MGAT4C: variants seen among roughly 807,000 people sequenced by gnomAD.
MGAT4C encodes MGAT4 family member C, also known as alpha-1,3-mannosyl-glycoprotein 4-beta-N-acetylglucosaminyltransferase C.
Under a neutral mutation model 40.1 loss-of-function variants are expected in MGAT4C, and 19 were observed. The observed-to-expected ratio is 0.47, with a 90% confidence interval of 0.33 to 0.70. MGAT4C has a LOEUF of 0.70. MGAT4C is among the 30% of genes least tolerant of loss of function. MGAT4C has a pLI of 0.02. For synonymous variants in MGAT4C, 181 were observed against 187.1 expected (o/e 0.97, Z 0.27); for missense variants, 491 against 563.2 (o/e 0.87, Z 1.30).
intron 2 of MGAT4C, among the ~76,000 whole-genome samples, chr12:86,660,828 T>C (rs1183367366): frequency 1.3e-5 from 2 of 152,182 alleles, no homozygotes; most frequent in Non-Finnish European, 2.9e-5. Flanking sequence ...TTTTCTGATT[T>C]ATAGCAAACC....
At chr12:86,753,010 C>T (rs569990583) in intron 1 of MGAT4C, among the ~76,000 whole-genome samples, 2 of 152,016 alleles carry the variant, frequency 1.3e-5, no homozygotes, top group South Asian at 2.1e-4. Flanking sequence ...TTCAGAAATA[C>T]GTTACCAAAA....
At chr12:86,232,607 A>G (rs1951369398) in intron 1 of MGAT4C, among the ~76,000 whole-genome samples, 1 of 152,208 alleles carries the variant, frequency 6.6e-6, no homozygotes, top group Admixed American at 6.5e-5. Flanking sequence ...TGAATGAAAT[A>G]AAACATGAAC....
At chr12:86,381,322 A>G (rs990801443) in intron 3 of MGAT4C, among the ~76,000 whole-genome samples, 1 of 152,190 alleles carries the variant, frequency 6.6e-6, no homozygotes, top group Non-Finnish European at 1.5e-5. Flanking sequence ...ATCTTCATTT[A>G]TTGTGAAAGT....
chr12:86,021,319 C>T (rs954114893), intron 2 of MGAT4C, among the ~76,000 whole-genome samples: 1 of 151,968 alleles, frequency 6.6e-6, no homozygotes, highest in African/African-American at 2.4e-5. Context: ...TTCACAATAG[C>T]AAAGACTTGG....
At chr12:86,790,769 T>C (rs1341918095) in intron 1 of MGAT4C, among the ~76,000 whole-genome samples, 1 of 152,088 alleles carries the variant, frequency 6.6e-6, no homozygotes, top group African/African-American at 2.4e-5. Flanking sequence ...AATCTCTGCG[T>C]TCAGAGAGTC....
At chr12:86,762,658 C>T (rs1382024997) in intron 1 of MGAT4C, among the ~76,000 whole-genome samples, 1 of 152,150 alleles carries the variant, frequency 6.6e-6, no homozygotes, top group East Asian at 1.9e-4. Context: ...TGAATATTTT[C>T]ATTACATGTT....
intron 1 of MGAT4C, among the ~76,000 whole-genome samples, chr12:86,732,828 CAA>C (rs5799792): frequency 2.0e-3 from 153 of 75,726 alleles, no homozygotes; most frequent in Middle Eastern, 8.1e-3. Flanking sequence ...TTTTCTCCAG[CAA>C]AAAAAAAAAA....
intron 1 of MGAT4C, among the ~76,000 whole-genome samples, chr12:86,814,650 T>C (rs1344103546): frequency 6.6e-6 from 1 of 151,968 alleles, no homozygotes. Flanking sequence ...CCGAAATTCA[T>C]GTGTTGAAAT....
intron 2 of MGAT4C, among the ~76,000 whole-genome samples, chr12:86,632,140 C>A (rs1279405251): frequency 6.6e-6 from 1 of 151,862 alleles, no homozygotes; most frequent in Non-Finnish European, 1.5e-5. Flanking sequence ...ATGCAGCCAG[C>A]AGACACATGA....
intron 2 of MGAT4C, among the ~76,000 whole-genome samples, chr12:86,518,485 G>T (rs564418611): frequency 2.0e-5 from 3 of 152,264 alleles, no homozygotes; most frequent in Non-Finnish European, 4.4e-5. Flanking sequence ...TAGCACATCA[G>T]TGAGATACCT....
intron 2 of MGAT4C, among the ~76,000 whole-genome samples, chr12:86,709,599 T>C (rs934909917): frequency 6.6e-6 from 1 of 152,106 alleles, no homozygotes; most frequent in Admixed American, 6.6e-5. Context: ...TGTATGTATG[T>C]ATGTTTTATA....
chr12:86,410,516 T>A (rs566289864), intron 3 of MGAT4C, among the ~76,000 whole-genome samples: 2 of 152,336 alleles, frequency 1.3e-5, no homozygotes, highest in African/African-American at 4.8e-5. Flanking sequence ...GACCTTTGGT[T>A]GTCTTCCCTT....
At chr12:86,777,130 C>A (rs1177195630) in intron 1 of MGAT4C, among the ~76,000 whole-genome samples, 1 of 151,686 alleles carries the variant, frequency 6.6e-6, no homozygotes, top group Non-Finnish European at 1.5e-5. Context: ...GTGATATAGC[C>A]CATTCTTTTA....
At chr12:86,142,685 TGG>T in intron 1 of MGAT4C, among the ~76,000 whole-genome samples, 1 of 151,896 alleles carries the variant, frequency 6.6e-6, no homozygotes, top group South Asian at 2.1e-4. Flanking sequence ...TAGGTAGGGA[TGG>T]AGAGAGGCAT....
chr12:86,071,455 A>G (rs1400553145), intron 1 of MGAT4C, among the ~76,000 whole-genome samples: 1 of 152,056 alleles, frequency 6.6e-6, no homozygotes. Flanking sequence ...AGGCCATAAA[A>G]TATTTGATAA....
At chr12:86,654,820 C>T (rs1224448085) in intron 2 of MGAT4C, among the ~76,000 whole-genome samples, 3 of 150,298 alleles carry the variant, frequency 2.0e-5, no homozygotes, top group African/African-American at 4.9e-5. Context: ...TTGTGTATTG[C>T]GGTGAAGATA....
intron 1 of MGAT4C, among the ~76,000 whole-genome samples, chr12:86,102,677 A>G (rs1438369680): frequency 6.6e-6 from 1 of 152,108 alleles, no homozygotes; most frequent in Non-Finnish European, 1.5e-5. Flanking sequence ...AGATCTGCAT[A>G]AAGGAGAAAG....
Position 86,522,228 on chromosome 12 carries a change from T to C in MGAT4C, c.-228-86963A>G, listed in dbSNP as rs185701666. 1.6e-3 allele frequency among the ~76,000 whole-genome samples: 239 copies of C among 152,298 alleles called. 1 individual carries two copies. The highest frequency in any genetic ancestry group is 5.5e-3 in the African/African-American group (230 of 41,570). On this transcript the variant is annotated intron_variant, in intron 2 of 7. Coordinates refer to the MGAT4C transcript ENST00000548651. ...AGCTCTTGTCCATTCATTATGATGT[T>C]GGCTGTGGGCTTATCATATATGGCT...
chr12:86,513,412 T>G (rs1234249820), intron 2 of MGAT4C, among the ~76,000 whole-genome samples: 1 of 152,150 alleles, frequency 6.6e-6, no homozygotes, highest in Non-Finnish European at 1.5e-5. Flanking sequence ...CCAGATGGTC[T>G]CCATTTCAGA....
Sources: gnomAD v4.1 joint callset for allele counts (sites outside exome capture counted in the v4.1 genomes callset) on GRCh38, gnomAD v4.1.1 for gene constraint, MANE v1.5 for transcripts, NCBI Gene and HGNC (gene_info 2026-07-23, HGNC 2026-07-21) for gene names.